OPRM1: variants seen among roughly 807,000 people sequenced by gnomAD.
The protein encoded by OPRM1 is opioid receptor mu 1.
Under a neutral mutation model 31.8 loss-of-function variants are expected in OPRM1, and 27 were observed. That is an observed-to-expected ratio of 0.85 (90% CI 0.63 to 1.17). The LOEUF (loss-of-function observed/expected upper bound fraction) is 1.17, where lower values mean the gene tolerates loss of function less well. OPRM1 is among the 50% of genes most tolerant of loss of function. The pLI is 0.00. For missense variants in OPRM1, 536 were observed against 511.1 expected (o/e 1.05, Z -0.47); for synonymous variants, 196 against 189.9 (o/e 1.03, Z -0.26).
At chr6:154,170,512 T>C (rs1246263800) in intron 3 of OPRM1, among the ~76,000 whole-genome samples, 1 of 152,238 alleles carries the variant, frequency 6.6e-6, no homozygotes, top group African/African-American at 2.4e-5. Context: ...AAAGCAAAGA[T>C]GATGCACTCA....
downstream of OPRM1, among the ~76,000 whole-genome samples, chr6:154,135,198 G>A (rs1798024697): frequency 2.6e-5 from 4 of 152,250 alleles, no homozygotes; most frequent in Admixed American, 2.6e-4. Context: ...GCCAAGTGCA[G>A]TGGCTCATGC....
chr6:154,222,212 G>A (rs983507130), intron 3 of OPRM1, among the ~76,000 whole-genome samples: 3 of 152,164 alleles, frequency 2.0e-5, no homozygotes. Flanking sequence ...AAATGAGAAG[G>A]GCTTCCACTT....
chr6:154,038,899 T>C (rs1007670322), upstream of OPRM1, among the ~76,000 whole-genome samples: 30 of 152,330 alleles, frequency 2.0e-4, no homozygotes, highest in African/African-American at 7.2e-4. Context: ...TCTTAGATGT[T>C]GGCAACGGAG....
chr6:154,167,062 T>C (rs1008445553), intron 3 of OPRM1, among the ~76,000 whole-genome samples: 1 of 152,236 alleles, frequency 6.6e-6, no homozygotes, highest in Admixed American at 6.5e-5. Context: ...TTTGTAGCCT[T>C]GTCCTTTCAA....
upstream of OPRM1, chr6:154,038,985 C>A: frequency 1.5e-6 from 1 of 668,038 alleles, no homozygotes. Flanking sequence ...GATGGAAGAG[C>A]ATTGGGGTTT....
chr6:154,109,792 C>CTGTGTGTGTG (rs377400514), intron 3 of OPRM1, among the ~76,000 whole-genome samples: 56 of 101,274 alleles, frequency 5.5e-4, no homozygotes, highest in African/African-American at 2.1e-3. Context: ...CTCTCTCTCT[C>CTGTGTGTGTG]TGTGTGTGTG....
intron 3 of OPRM1, chr6:154,093,440 G>C (rs755852740): frequency 3.1e-6 from 5 of 1,613,852 alleles, no homozygotes; most frequent in Non-Finnish European, 4.2e-6. Context: ...CATTTCTCCT[G>C]AGTTAAGCAT....
At chr6:154,074,532 G>A (rs1365523538) in intron 1 of OPRM1, 1 of 152,182 alleles carries the variant, frequency 6.6e-6, no homozygotes, top group African/African-American at 2.4e-5. Context: ...GGCCGAGGCA[G>A]GCAAATCACC....
rs35562516 is a variant in OPRM1 at position 154,123,300 on chromosome 6, G to GA, written c.*4585dup. ...CCTCCCTGCAAGTTCCCACGGAGCAGAAAAAAGGAGGAAACTTTTTCCTGG... is the reference window on the plus strand; with the variant it reads ...CCTCCCTGCAAGTTCCCACGGAGCAGAAAAAAAGGAGGAAACTTTTTCCTGG... On this transcript the variant is annotated 3_prime_UTR_variant, in exon 4 of 4. Coordinates refer to ENST00000330432, the MANE Select transcript of OPRM1 (RefSeq NM_000914.5). Among the ~76,000 whole-genome samples the GA allele has an allele frequency of 0.2, 29,746 of 152,002 alleles. 3,220 individuals are homozygous for GA. The highest frequency in any genetic ancestry group is 0.25 in the Non-Finnish European group (17,034 of 67,950).
intron 1 of OPRM1, among the ~76,000 whole-genome samples, chr6:154,019,747 C>CTTTTCTTTTT (rs61209522): frequency 3.1e-4 from 38 of 121,990 alleles, no homozygotes; most frequent in African/African-American, 6.8e-4. Flanking sequence ...CTTTTCTTTT[C>CTTTTCTTTTT]TTTTTTTTTT....
intron 3 of OPRM1, among the ~76,000 whole-genome samples, chr6:154,241,751 C>T (rs1407750540): frequency 6.6e-6 from 1 of 152,148 alleles, no homozygotes; most frequent in Admixed American, 6.5e-5. Context: ...CAATCTATTG[C>T]TGCTAGGTTC....
rs546159754 is a variant in OPRM1, at chr6:154,177,804, A to T, written c.1165-68889A>T. Among the ~76,000 whole-genome samples, 3 of 152,350 alleles carry T rather than the reference A, an allele frequency of 2.0e-5. No homozygotes were observed. The South Asian group carries it at 6.2e-4, about 32-fold the overall frequency. The stretch of plus-strand genomic sequence containing the variant: ...CCATTACTGGGTATATATCCAAAGG[A>T]TTATAAATCATGCTACTATAAAGAC... On this transcript the variant is annotated intron_variant, in intron 3 of 3. Transcript: ENST00000337049.
intron 3 of OPRM1, among the ~76,000 whole-genome samples, chr6:154,096,986 G>A (rs1257232453): frequency 6.6e-6 from 1 of 152,200 alleles, no homozygotes; most frequent in Non-Finnish European, 1.5e-5. Flanking sequence ...CTCCAAAGTA[G>A]CACATTTACT....
chr6:154,184,898 T>C (rs1215279311), intron 3 of OPRM1, among the ~76,000 whole-genome samples: 1 of 151,578 alleles, frequency 6.6e-6, no homozygotes, highest in African/African-American at 2.4e-5. Context: ...TGCCTACCCC[T>C]TTCAGATAAT....
At chr6:154,020,521 A>G (rs1224913585) in intron 1 of OPRM1, among the ~76,000 whole-genome samples, 1 of 152,244 alleles carries the variant, frequency 6.6e-6, no homozygotes, top group Admixed American at 6.5e-5. Context: ...AAAGACATTT[A>G]CTTACATTTG....
At chr6:154,095,932 C>T (rs1036303890) in intron 3 of OPRM1, among the ~76,000 whole-genome samples, 12 of 152,186 alleles carry the variant, frequency 7.9e-5, no homozygotes, top group Middle Eastern at 3.2e-3. Context: ...TTGTTTATTT[C>T]GATCACTTCA....
chr6:154,075,201 A>G (rs575186112), intron 1 of OPRM1, among the ~76,000 whole-genome samples: 2 of 152,338 alleles, frequency 1.3e-5, no homozygotes, highest in South Asian at 4.1e-4. Context: ...AACAAAAACT[A>G]CTTTGAAAAT....
intron 3 of OPRM1, among the ~76,000 whole-genome samples, chr6:154,182,756 T>C (rs117118208): frequency 0.011 from 1,620 of 152,270 alleles, 12 homozygotes; most frequent in Non-Finnish European, 0.017. Context: ...TAGATAAATA[T>C]GTTAGCTGTG....
rs1191461531 is a variant in OPRM1 at position 154,122,160 on chromosome 6, C to A, written c.*3439C>A. 6.6e-6 allele frequency among the ~76,000 whole-genome samples: 1 copy of A among 152,180 alleles called. No homozygotes were observed. The highest frequency in any genetic ancestry group is 2.4e-5 in the African/African-American group (1 of 41,456). ...TCAGCTTCTTAACTGGCCACACACA[C>A]ACAAGTTGTGTTTGTACAATTCTTG... On this transcript the variant is annotated 3_prime_UTR_variant, in exon 4 of 4. Coordinates refer to ENST00000330432, the MANE Select transcript of OPRM1 (RefSeq NM_000914.5).
Sources: gnomAD v4.1 joint callset for allele counts (sites outside exome capture counted in the v4.1 genomes callset) on GRCh38, gnomAD v4.1.1 for gene constraint, MANE v1.5 for transcripts, NCBI Gene and HGNC (gene_info 2026-07-23, HGNC 2026-07-21) for gene names.